TFEC: variants seen among roughly 807,000 people sequenced by gnomAD.
The protein encoded by TFEC is transcription factor EC, also known as class E basic helix-loop-helix protein 34.
A neutral mutation model predicts 41.6 loss-of-function variants in TFEC; 31 were observed. That is an observed-to-expected ratio of 0.74 (90% CI 0.56 to 1.01). The LOEUF is 1.01. Among genes scored for constraint, TFEC ranks in the 50% least tolerant of loss-of-function variants. TFEC has a pLI of 0.00. For synonymous variants in TFEC, 143 were observed against 140.6 expected, an observed-to-expected ratio of 1.02 and a Z score of -0.12; for missense variants, 402 against 404.1, an observed-to-expected ratio of 0.99 and a Z score of 0.04.
chr7:116,078,526 C>T lies in TFEC; in HGVS notation c.198+32182G>A, dbSNP rs192486965. 8.5e-4 allele frequency among the ~76,000 whole-genome samples: 129 copies of T among 151,956 alleles called. 1 individual carries two copies. Among genetic ancestry groups the T allele is most frequent in the Non-Finnish European group, 3.7e-4 (25 of 67,888 alleles). On this transcript the variant is annotated intron_variant, in intron 3 of 8. Transcript: ENST00000484212. ...TATTACAACTGATACCACAGAAATA[C>T]AAAAGATTATTCAAGGCTACTATGA...
At chr7:116,075,817 A>G (rs1239854871) in intron 3 of TFEC, among the ~76,000 whole-genome samples, 1 of 152,182 alleles carries the variant, frequency 6.6e-6, no homozygotes, top group Non-Finnish European at 1.5e-5. Context: ...GACAAAGGTC[A>G]TAATCTCTTG....
rs569910906 is a variant in TFEC, at chr7:116,093,596, C to T, written c.198+17112G>A. On this transcript the variant is annotated intron_variant, in intron 3 of 8. Coordinates refer to the TFEC transcript ENST00000484212. ...AATTTTATCACTTTTTCACTGTGCTCTTACCAAATGCATATTCTCTGTGTC... is the reference window on the plus strand; with the variant it reads ...AATTTTATCACTTTTTCACTGTGCTTTTACCAAATGCATATTCTCTGTGTC... Among the ~76,000 whole-genome samples, 43 of 152,120 alleles carry T rather than the reference C, an allele frequency of 2.8e-4. No homozygotes were observed. In the South Asian group the frequency reaches 8.3e-3, roughly 29 times the overall value.
intron 6 of TFEC, among the ~76,000 whole-genome samples, chr7:115,946,091 A>G (rs1791527802): frequency 6.6e-6 from 1 of 151,776 alleles, no homozygotes; most frequent in Admixed American, 6.6e-5. Context: ...ATAAAACTTT[A>G]TAACTTGCAA....
intron 3 of TFEC, among the ~76,000 whole-genome samples, chr7:115,971,823 A>C (rs1449391786): frequency 6.6e-6 from 1 of 152,070 alleles, no homozygotes. Flanking sequence ...CTGAGAATAA[A>C]GCCAGCACAG....
At chr7:116,098,283 C>A (rs1265839429) in intron 3 of TFEC, among the ~76,000 whole-genome samples, 1 of 152,086 alleles carries the variant, frequency 6.6e-6, no homozygotes, top group Non-Finnish European at 1.5e-5. Flanking sequence ...CCTCAGTCTC[C>A]CGAGTAGCTA....
chr7:116,159,323 CTT>C (rs1175624873), intron 1 of TFEC, among the ~76,000 whole-genome samples: 1 of 151,708 alleles, frequency 6.6e-6, no homozygotes, highest in Non-Finnish European at 1.5e-5. Context: ...ACCATTTTGT[CTT>C]GTGTTTTTCT....
chr7:115,960,819 A>G (rs554007120), intron 3 of TFEC, among the ~76,000 whole-genome samples: 3 of 151,790 alleles, frequency 2.0e-5, no homozygotes, highest in Admixed American at 6.6e-5. Flanking sequence ...TTAAAACTTA[A>G]AGAATGGAAA....
intron 1 of TFEC, among the ~76,000 whole-genome samples, chr7:115,987,003 C>T (rs1012905570): frequency 6.6e-6 from 1 of 152,180 alleles, no homozygotes; most frequent in African/African-American, 2.4e-5. Flanking sequence ...AAATGTTACT[C>T]ATGCAAAAGA....
intron 1 of TFEC, among the ~76,000 whole-genome samples, chr7:115,990,150 C>A (rs1794042113): frequency 6.6e-6 from 1 of 152,200 alleles, no homozygotes; most frequent in Non-Finnish European, 1.5e-5. Context: ...TCCAACAGAC[C>A]TGCAGCTGAG....
intron 1 of TFEC, among the ~76,000 whole-genome samples, chr7:116,153,890 C>T (rs1223490119): frequency 6.6e-6 from 1 of 152,118 alleles, no homozygotes; most frequent in Non-Finnish European, 1.5e-5. Context: ...GAGATAACTT[C>T]AAGTGGCCTG....
chr7:116,029,155 T>C (rs985868222), intron 1 of TFEC, among the ~76,000 whole-genome samples: 2 of 151,990 alleles, frequency 1.3e-5, no homozygotes, highest in African/African-American at 4.8e-5. Context: ...TCTACTGTTT[T>C]GGAATAAAAT....
chr7:116,001,990 G>A (rs1053850059), intron 1 of TFEC, among the ~76,000 whole-genome samples: 1 of 152,138 alleles, frequency 6.6e-6, no homozygotes, highest in African/African-American at 2.4e-5. Context: ...TCTCACCCTA[G>A]TTAAAATGGC....
chr7:115,976,420 A>T (rs917996987), intron 2 of TFEC, among the ~76,000 whole-genome samples: 30 of 152,120 alleles, frequency 2.0e-4, no homozygotes, highest in Non-Finnish European at 1.2e-4. Context: ...GTGAGACCCC[A>T]TCTCCAAAAA....
At chr7:116,109,023 G>T (rs984029663) in intron 3 of TFEC, among the ~76,000 whole-genome samples, 1 of 151,662 alleles carries the variant, frequency 6.6e-6, no homozygotes, top group Non-Finnish European at 1.5e-5. Flanking sequence ...TAGCCATATG[G>T]AGAAAGCTGA....
In TFEC at chr7:116,154,020, G is replaced by T. The variant is rs113480087; in HGVS notation, c.-69+5770C>A. Among the ~76,000 whole-genome samples, 1,203 of 152,294 alleles carry T rather than the reference G, an allele frequency of 7.9e-3. 11 individuals are homozygous for T. Among genetic ancestry groups the T allele is most frequent in the South Asian group, 0.019 (91 of 4,824 alleles). On this transcript the variant is annotated intron_variant, in intron 1 of 8. Transcript: ENST00000484212. Reference sequence around the variant, plus strand: ...AGGGGATTAGATGAAATTGTAAGGAGAGAAGAGTGTTTCTGCTCTTAGTGG... The same window carrying T: ...AGGGGATTAGATGAAATTGTAAGGATAGAAGAGTGTTTCTGCTCTTAGTGG...
upstream of TFEC, among the ~76,000 whole-genome samples, chr7:116,033,147 A>T (rs549671159): frequency 0.01 from 1,540 of 147,704 alleles, 36 homozygotes; most frequent in African/African-American, 0.037. Flanking sequence ...AAAAAAAAAA[A>T]TCTTTGTTTC....
chr7:115,988,231 A>G (rs1490972829), intron 1 of TFEC, among the ~76,000 whole-genome samples: 1 of 152,192 alleles, frequency 6.6e-6, no homozygotes, highest in Admixed American at 6.5e-5. Context: ...AATAAGCATT[A>G]TAACCAGACT....
At chr7:116,082,455 G>A (rs764876723) in intron 3 of TFEC, among the ~76,000 whole-genome samples, 19 of 151,930 alleles carry the variant, frequency 1.3e-4, no homozygotes, top group Non-Finnish European at 2.5e-4. Flanking sequence ...CCAATATTGT[G>A]TATTAACAAA....
At chr7:115,975,966 A>T (rs1793360578) in intron 2 of TFEC, among the ~76,000 whole-genome samples, 2 of 152,150 alleles carry the variant, frequency 1.3e-5, no homozygotes, top group Admixed American at 1.3e-4. Flanking sequence ...GGCCAGTGGT[A>T]TCCAGTAGAA....
Sources: allele counts gnomAD v4.1 joint callset (sites outside exome capture counted in the v4.1 genomes callset), GRCh38; gene constraint gnomAD v4.1.1; transcripts MANE v1.5; gene names NCBI Gene and HGNC (gene_info 2026-07-23, HGNC 2026-07-21).